Variants in CYFIP1 observed in about 807,000 individuals in gnomAD.
The protein encoded by CYFIP1 is cytoplasmic FMR1 interacting protein 1, also known as cytoplasmic FMR1-interacting protein 1.
CYFIP1 carries 58 observed loss-of-function variants against 163.5 expected under a neutral mutation model. The observed-to-expected ratio is 0.35, with a 90% CI of 0.29 to 0.44. The LOEUF (loss-of-function observed/expected upper bound fraction) is 0.44, where lower values mean the gene tolerates loss of function less well. Ranked by LOEUF, CYFIP1 falls within the 20% of genes least tolerant of loss-of-function variation. The probability of loss-of-function intolerance (pLI) is 1.00; values close to 1 mark genes in which losing one functional copy is unlikely to be tolerated. For synonymous variants in CYFIP1, 663 were observed against 660.7 expected, an observed-to-expected ratio of 1.00 and a Z score of -0.05; for missense variants, 1,338 against 1,653.8, an observed-to-expected ratio of 0.81 and a Z score of 3.31.
intron 30 of CYFIP1, among the ~76,000 whole-genome samples, chr15:22,872,405 A>G (rs1339574887): frequency 1.3e-5 from 2 of 152,156 alleles, no homozygotes; most frequent in Admixed American, 6.5e-5. Context: ...TGGCAAGAAT[A>G]GGGAGAATGG....
intron 1 of CYFIP1, among the ~76,000 whole-genome samples, chr15:22,972,706 C>A (rs1272669825): frequency 6.6e-6 from 1 of 152,096 alleles, no homozygotes; most frequent in Non-Finnish European, 1.5e-5. Flanking sequence ...AAAAATCAAC[C>A]CGAAATGAAT....
chr15:22,937,996 G>C (rs925483942), intron 8 of CYFIP1, among the ~76,000 whole-genome samples: 13 of 152,154 alleles, frequency 8.5e-5, no homozygotes, highest in Admixed American at 2.0e-4. Context: ...AGCCGGTGCA[G>C]ACACAACGTT....
At chr15:22,966,275 A>G (rs2062901484) in intron 1 of CYFIP1, among the ~76,000 whole-genome samples, 1 of 151,548 alleles carries the variant, frequency 6.6e-6, no homozygotes, top group Non-Finnish European at 1.5e-5. Context: ...CAGAAGGCTG[A>G]GGCAGGAGAA....
intron 1 of CYFIP1, among the ~76,000 whole-genome samples, chr15:22,950,856 C>G (rs2062226604): frequency 1.3e-5 from 2 of 152,218 alleles, no homozygotes; most frequent in Admixed American, 1.3e-4. Flanking sequence ...GCCTGCGCCG[C>G]CCATCTCACC....
Position 22,883,000 on chromosome 15 carries a change from C to A in CYFIP1, c.2688G>T (p.Leu896Phe). Residue 896 changes from leucine to phenylalanine, a missense_variant, in exon 24 of 31, where the codon TTG becomes TTT. Coordinates refer to ENST00000617928, the MANE Select transcript of CYFIP1 (RefSeq NM_014608.6). ...QYLHGSKALN[L>F]AYSSIYGSYR... ...AGCTGCCGTAAATGCTGGAGTAGGC[C>A]AAGTTCAAAGCCTGGAAAACAGGGC... 6.2e-7 allele frequency: 1 copy of A among 1,613,722 alleles called. No individual in the cohort carries two copies. Among genetic ancestry groups the A allele is most frequent in the South Asian group, 1.1e-5 (1 of 91,064 alleles).
intron 26 of CYFIP1, among the ~76,000 whole-genome samples, chr15:22,878,052 G>A (rs946329192): frequency 1.3e-5 from 2 of 152,192 alleles, no homozygotes; most frequent in African/African-American, 2.4e-5. Context: ...ACACAACTCT[G>A]CCTTTGCAAA....
chr15:22,874,324 C>T (rs1262682147), intron 28 of CYFIP1, among the ~76,000 whole-genome samples: 3 of 152,234 alleles, frequency 2.0e-5, no homozygotes, highest in South Asian at 2.1e-4. Flanking sequence ...GTAAGCCTTA[C>T]GTGCCAGGTG....
At chr15:22,946,218 T>G (rs1401603958) in intron 3 of CYFIP1, among the ~76,000 whole-genome samples, 6 of 151,450 alleles carry the variant, frequency 4.0e-5, no homozygotes, top group African/African-American at 1.5e-4. Flanking sequence ...GTGGGAGGAT[T>G]GCTTGAACCC....
At chr15:22,925,080 T>A (rs1186215622) in intron 13 of CYFIP1, among the ~76,000 whole-genome samples, 1 of 152,192 alleles carries the variant, frequency 6.6e-6, no homozygotes, top group Non-Finnish European at 1.5e-5. Context: ...CTGAACATTT[T>A]TGACCCAAGG....
chr15:22,934,924 G>T (rs1188700235), intron 9 of CYFIP1, among the ~76,000 whole-genome samples: 1 of 152,054 alleles, frequency 6.6e-6, no homozygotes, highest in African/African-American at 2.4e-5. Flanking sequence ...CTAAACAAAA[G>T]TACTACCCCG....
At chr15:22,956,827 C>T (rs1045378528) in intron 1 of CYFIP1, among the ~76,000 whole-genome samples, 6 of 152,366 alleles carry the variant, frequency 3.9e-5, no homozygotes, top group South Asian at 2.1e-4. Context: ...ACAGGGACAA[C>T]GTGCACTGCC....
chr15:22,973,343 G>C, intron 1 of CYFIP1, among the ~76,000 whole-genome samples: 1 of 140,500 alleles, frequency 7.1e-6, no homozygotes, highest in East Asian at 2.1e-4. Context: ...AAAGGGAGAA[G>C]AAACTCCCTA....
Position 22,882,829 on chromosome 15 carries a change from C to T in CYFIP1, c.2820+39G>A. 19 of 1,594,628 alleles carry T rather than the reference C, an allele frequency of 1.2e-5. 1 individual carries two copies. Among genetic ancestry groups the T allele is most frequent in the Non-Finnish European group, 1.6e-5 (19 of 1,165,612 alleles). On this transcript the variant is annotated intron_variant, in intron 24 of 30. Transcript: ENST00000617928. Reference sequence around the variant, plus strand: ...CTCTGGCATGGGTGCCCCAGGGAATCCAGGCTGTGTGAAAGAAGCATGTCC... The same window carrying T: ...CTCTGGCATGGGTGCCCCAGGGAATTCAGGCTGTGTGAAAGAAGCATGTCC...
At chr15:22,934,171 T>C (rs1312729200) in intron 9 of CYFIP1, among the ~76,000 whole-genome samples, 3 of 135,654 alleles carry the variant, frequency 2.2e-5, no homozygotes, top group South Asian at 2.4e-4. Context: ...ATCACTGCAT[T>C]TCTTTCTTTT....
intron 1 of CYFIP1, among the ~76,000 whole-genome samples, chr15:22,973,953 CCAAAT>C (rs2063185047): frequency 6.6e-6 from 1 of 152,082 alleles, no homozygotes; most frequent in South Asian, 2.1e-4. Context: ...ATCAGGGAAT[CCAAAT>C]CAAAACCACA....
At chr15:22,895,784 C>T (rs1206313185) in intron 22 of CYFIP1, among the ~76,000 whole-genome samples, 3 of 152,150 alleles carry the variant, frequency 2.0e-5, no homozygotes, top group Non-Finnish European at 4.4e-5. Context: ...GTCAACTGTG[C>T]CCATGCAACG....
At chr15:22,910,268 C>G (rs1413190941) in intron 20 of CYFIP1, among the ~76,000 whole-genome samples, 7 of 152,110 alleles carry the variant, frequency 4.6e-5, no homozygotes, top group Non-Finnish European at 7.4e-5. Flanking sequence ...TCAGGCGATT[C>G]TCTTGCCTCA....
At chr15:22,873,407 C>T (rs527824721) in intron 29 of CYFIP1, 84 bp downstream of exon 29, 2 of 1,153,622 alleles carry the variant, frequency 1.7e-6, no homozygotes, top group South Asian at 2.9e-5. Context: ...GCATGGCTGG[C>T]TGCTTGTTAG....
At chr15:22,975,136 A>C (rs1424532187) in intron 1 of CYFIP1, among the ~76,000 whole-genome samples, 1 of 152,216 alleles carries the variant, frequency 6.6e-6, no homozygotes. Flanking sequence ...TATGTAATAC[A>C]TATAACTTAC....
Sources: gnomAD v4.1 joint callset for allele counts (sites outside exome capture counted in the v4.1 genomes callset) on GRCh38, gnomAD v4.1.1 for gene constraint, MANE v1.5 for transcripts, NCBI Gene and HGNC (gene_info 2026-07-23, HGNC 2026-07-21) for gene names.